MADD: variants seen among roughly 807,000 people sequenced by gnomAD.
The protein encoded by MADD is MAP kinase activating death domain.
In MADD, 109 loss-of-function variants were observed where a neutral mutation model predicts 176.7. That is an observed-to-expected ratio of 0.62 (90% confidence interval 0.53 to 0.72). The LOEUF is 0.72. Among genes scored for constraint, MADD ranks in the 30% least tolerant of loss-of-function variants. The pLI is 0.00. For missense variants in MADD, 1,914 were observed against 2,045.5 expected (o/e 0.94, Z 1.24); for synonymous variants, 771 against 771.3 (o/e 1.00, Z 0.01).
At chr11:47,297,366 C>A (rs2073391223) in intron 22 of MADD, among the ~76,000 whole-genome samples, 1 of 152,054 alleles carries the variant, frequency 6.6e-6, no homozygotes, top group South Asian at 2.1e-4. Flanking sequence ...TTAACTCTCT[C>A]TCAGTCTGAA....
chr11:47,295,899 G>C, exon 22 of MADD: 2 of 1,610,800 alleles, frequency 1.2e-6, no homozygotes, highest in Non-Finnish European at 1.7e-6. Context: ...CTTTCCAGGT[G>C]AGTAATAGCT....
intron 19 of MADD, among the ~76,000 whole-genome samples, chr11:47,293,064 G>A (rs1310787392): frequency 6.6e-6 from 1 of 152,110 alleles, no homozygotes; most frequent in Non-Finnish European, 1.5e-5. Flanking sequence ...GGGTGGGTGG[G>A]GGACAAGGGG....
chr11:47,281,423 T>G (rs995882945), intron 7 of MADD, 152 bp from the exon 8 acceptor site: 7 of 521,012 alleles, frequency 1.3e-5, no homozygotes, highest in Middle Eastern at 5.3e-4. Context: ...GGGTTGGCCG[T>G]GATTTGCAAA....
rs1042295263 is a variant in MADD at position 47,276,219 on chromosome 11, C to T, written c.963+17C>T. 4 of 1,579,820 alleles carry T rather than the reference C, an allele frequency of 2.5e-6. No homozygotes were observed. The African/African-American group carries it at 5.4e-5, about 21-fold the overall frequency. On this transcript the variant is annotated intron_variant, in intron 4 of 32. Coordinates refer to ENST00000402192, the Ensembl canonical transcript of MADD. ...GAGCACAAGGTGAGAGGCAAGCTTC[C>T]TAGACCTTTCTAGGGGAGAAACTCT...
intron 22 of MADD, among the ~76,000 whole-genome samples, chr11:47,300,378 T>C (rs531331397): frequency 6.6e-6 from 1 of 151,966 alleles, no homozygotes; most frequent in East Asian, 1.9e-4. Flanking sequence ...GGCTAATTTT[T>C]GTATTTTCAG....
intron 15 of MADD, among the ~76,000 whole-genome samples, 167 bp downstream of exon 16, chr11:47,289,194 T>C (rs2063207411): frequency 6.6e-6 from 1 of 152,110 alleles, no homozygotes; most frequent in Non-Finnish European, 1.5e-5. Flanking sequence ...TGCTGGTGCA[T>C]GTGGAGTGGC....
At chr11:47,275,225 G>A (rs2048550132) in intron 3 of MADD, 66 bp downstream of exon 3, 4 of 1,414,940 alleles carry the variant, frequency 2.8e-6, no homozygotes, top group Admixed American at 2.0e-5. Flanking sequence ...GGTCTTTGAG[G>A]GGCATAGGAA....
rs2062812207 is a variant in MADD, at chr11:47,288,790, G to C, written c.2654-601G>C. On this transcript the variant is annotated intron_variant, in intron 15 of 32. Coordinates refer to ENST00000402192, the Ensembl canonical transcript of MADD. ...CAGTTTTAAGGGTGGTCTTTTCTTA[G>C]AGCCTTGGTTGTCTCCTGGTCACTT... is the stretch of plus-strand genomic sequence containing the variant. Among the ~76,000 whole-genome samples the C allele has an allele frequency of 2.0e-5, 3 of 152,150 alleles. 1 individual carries two copies. Among genetic ancestry groups the C allele is most frequent in the Admixed American group, 2.0e-4 (3 of 15,264 alleles).
At chr11:47,285,236 C>A (rs978892457) in intron 13 of MADD, 42 bp downstream of exon 13, 1 of 1,601,694 alleles carries the variant, frequency 6.2e-7, no homozygotes, top group Admixed American at 1.7e-5. Context: ...GACTGAAGGA[C>A]CTCACCTCAG....
At chr11:47,287,496 G>A (rs963106307) in intron 15 of MADD, among the ~76,000 whole-genome samples, 1 of 152,044 alleles carries the variant, frequency 6.6e-6, no homozygotes, top group African/African-American at 2.4e-5. Flanking sequence ...TGTAACTGCC[G>A]CCATCCAGGC....
intron 22 of MADD, among the ~76,000 whole-genome samples, chr11:47,304,286 AAT>A (rs2080711270): frequency 6.6e-6 from 1 of 150,664 alleles, no homozygotes; most frequent in Non-Finnish European, 1.5e-5. Flanking sequence ...GCTGGAATGC[AAT>A]GGCACTATCT....
chr11:47,323,186 C>T (rs58020802), intron 27 of MADD, among the ~76,000 whole-genome samples: 3 of 149,498 alleles, frequency 2.0e-5, no homozygotes, highest in African/African-American at 5.0e-5. Context: ...TGCAGTGAGT[C>T]GAGATTGCAC....
At chr11:47,290,158 C>T (rs775138884) in exon 18 of MADD, 8 of 1,613,966 alleles carry the variant, frequency 5.0e-6, no homozygotes, top group East Asian at 2.2e-5. Context: ...GGAGATCAGT[C>T]GGAAGGTGTA....
At chr11:47,307,432 T>G (rs1006030567) in intron 22 of MADD, among the ~76,000 whole-genome samples, 1 of 152,094 alleles carries the variant, frequency 6.6e-6, no homozygotes, top group African/African-American at 2.4e-5. Context: ...ACCTAAATTT[T>G]TTTGCTCAAA....
chr11:47,329,456 C>G (rs2095810928), exon 33 of MADD: 2 of 357,676 alleles, frequency 5.6e-6, no homozygotes, highest in Non-Finnish European at 1.1e-5. Context: ...TGTTGTGGTT[C>G]CTTGTCCTTG....
intron 15 of MADD, among the ~76,000 whole-genome samples, chr11:47,286,799 G>C (rs1468640050): frequency 6.6e-6 from 1 of 152,180 alleles, no homozygotes; most frequent in Non-Finnish European, 1.5e-5. Context: ...CCCTGTCAGG[G>C]TATATGATTA....
rs574015790 is a variant in MADD, at chr11:47,319,332, C to T, written c.4197+4005C>T. Among the ~76,000 whole-genome samples, 4 of 151,958 alleles carry T rather than the reference C, an allele frequency of 2.6e-5. No individual in the cohort carries two copies. In the East Asian group the frequency reaches 7.7e-4, roughly 29 times the overall value. ...ATTTTTAGCAGAGATGGGGTTTTGC[C>T]ATGTTGGCCAGGATGGTCTTGAACT... On this transcript the variant is annotated intron_variant, in intron 27 of 32. Coordinates refer to ENST00000402192, the Ensembl canonical transcript of MADD.
chr11:47,290,368 T>C (rs1005010874), intron 18 of MADD, 69 bp downstream of exon 19: 39 of 1,571,118 alleles, frequency 2.5e-5, no homozygotes, highest in East Asian at 2.3e-5. Flanking sequence ...AGAGAAAATA[T>C]ATGTGTACCC....
At chr11:47,273,681 A>G (rs2047070289) in intron 1 of MADD, 146 bp from the exon 2 acceptor site, 1 of 449,732 alleles carries the variant, frequency 2.2e-6, no homozygotes. Context: ...GAGCCTAGAC[A>G]CGAGGCTAGG....
Sources: allele counts gnomAD v4.1 joint callset (sites outside exome capture counted in the v4.1 genomes callset), GRCh38; gene constraint gnomAD v4.1.1; transcripts MANE v1.5; gene names NCBI Gene and HGNC (gene_info 2026-07-23, HGNC 2026-07-21).